Variants in AFG2A observed in about 807,000 individuals in gnomAD.
AFG2A encodes AAA ATPase AFG2A.
chr4:123,145,156 A>G, the AFG2A span, among the ~76,000 whole-genome samples: 2 of 152,000 alleles, frequency 1.3e-5, no homozygotes, highest in East Asian at 3.8e-4. Flanking sequence ...AAAATAATTA[A>G]TAATTATTTT....
the AFG2A span, among the ~76,000 whole-genome samples, chr4:122,945,477 C>A: frequency 1.3e-5 from 2 of 152,234 alleles, no homozygotes; most frequent in Non-Finnish European, 2.9e-5. Context: ...CCTGGTGCAC[C>A]GTTTCCTAAG....
the AFG2A span, among the ~76,000 whole-genome samples, chr4:123,254,321 A>T: frequency 2.0e-5 from 3 of 151,856 alleles, no homozygotes; most frequent in African/African-American, 7.3e-5. Context: ...GTCAATGTTC[A>T]TTTTTTTCAT....
chr4:123,195,106 A>G, the AFG2A span, among the ~76,000 whole-genome samples: 5 of 152,304 alleles, frequency 3.3e-5, no homozygotes, highest in Non-Finnish European at 7.4e-5. Flanking sequence ...AATACTTGAC[A>G]TATTTCTCTC....
chr4:123,034,586 GA>G, the AFG2A span, among the ~76,000 whole-genome samples: 5 of 96,714 alleles, frequency 5.2e-5, 1 homozygote, highest in African/African-American at 1.4e-4. Flanking sequence ...AAAAAAAAAG[GA>G]CATTAGGGAA....
At chr4:123,272,557 TA>T in the AFG2A span, among the ~76,000 whole-genome samples, 4 of 151,962 alleles carry the variant, frequency 2.6e-5, no homozygotes, top group African/African-American at 9.7e-5. Context: ...AGTAGACCTT[TA>T]GGAATTAGAG....
chr4:123,027,164 G>A, the AFG2A span, among the ~76,000 whole-genome samples: 3 of 151,734 alleles, frequency 2.0e-5, no homozygotes, highest in Non-Finnish European at 4.4e-5. Flanking sequence ...TCTCTCTGAT[G>A]AATCTTGTCA....
the AFG2A span, among the ~76,000 whole-genome samples, chr4:123,187,723 C>T: frequency 1.3e-5 from 2 of 151,988 alleles, no homozygotes; most frequent in Non-Finnish European, 2.9e-5. Context: ...AAAACAGGCA[C>T]TGTGGCTCAC....
At chr4:123,002,575 G>T in the AFG2A span, among the ~76,000 whole-genome samples, 35 of 152,174 alleles carry the variant, frequency 2.3e-4, no homozygotes, top group South Asian at 6.2e-3. Flanking sequence ...GCTTAGTTTG[G>T]CTGGATATGA....
the AFG2A span, among the ~76,000 whole-genome samples, chr4:122,943,169 A>T: frequency 0.041 from 6,243 of 152,200 alleles, 412 homozygotes; most frequent in African/African-American, 0.14. Flanking sequence ...TGCAGAGCTG[A>T]GTTCAATTCC....
At chr4:123,283,170 G>T in the AFG2A span, among the ~76,000 whole-genome samples, 54 of 152,120 alleles carry the variant, frequency 3.5e-4, no homozygotes, top group African/African-American at 1.3e-3. Context: ...TATAATTTCA[G>T]ACTAGCATTG....
chr4:123,199,470 T>G, the AFG2A span, among the ~76,000 whole-genome samples: 70 of 134,802 alleles, frequency 5.2e-4, 3 homozygotes, highest in East Asian at 4.7e-3. Context: ...AGGTTTTTTT[T>G]TTTTTTTTTT....
the AFG2A span, among the ~76,000 whole-genome samples, chr4:123,219,495 A>G: frequency 6.6e-6 from 1 of 152,154 alleles, no homozygotes; most frequent in Non-Finnish European, 1.5e-5. Flanking sequence ...CCTAATATTA[A>G]CTAACCGTCA....
the AFG2A span, among the ~76,000 whole-genome samples, chr4:122,935,213 C>G: frequency 1.3e-5 from 2 of 152,146 alleles, no homozygotes; most frequent in East Asian, 3.8e-4. Flanking sequence ...TGTCTGATCT[C>G]TCTGCTTTTT....
chr4:123,187,188 G>C, the AFG2A span, among the ~76,000 whole-genome samples: 6 of 152,136 alleles, frequency 3.9e-5, no homozygotes, highest in African/African-American at 1.2e-4. Context: ...ACTTTAGCTT[G>C]GTTTCTGCTG....
chr4:123,175,952 G>A, the AFG2A span, among the ~76,000 whole-genome samples: 5 of 152,174 alleles, frequency 3.3e-5, no homozygotes, highest in Admixed American at 3.3e-4. Context: ...CTTAGCAAGA[G>A]GATGTTAGGA....
At chr4:123,305,871 A>G in the AFG2A span, among the ~76,000 whole-genome samples, 1 of 152,024 alleles carries the variant, frequency 6.6e-6, no homozygotes, top group African/African-American at 2.4e-5. Flanking sequence ...ACAGTGAAGT[A>G]AGACATTGTT....
At chr4:123,151,889 A>G in the AFG2A span, among the ~76,000 whole-genome samples, 3 of 152,230 alleles carry the variant, frequency 2.0e-5, no homozygotes, top group African/African-American at 7.2e-5. Flanking sequence ...ATGCCCATCA[A>G]TGATAGACTG....
At chr4:123,000,220 T>C in the AFG2A span, among the ~76,000 whole-genome samples, 3 of 150,366 alleles carry the variant, frequency 2.0e-5, no homozygotes, top group Non-Finnish European at 4.4e-5. Flanking sequence ...ACAGTGGGGT[T>C]TTCTAGATAT....
the AFG2A span, among the ~76,000 whole-genome samples, chr4:123,092,270 C>CTGA: frequency 1.7e-4 from 26 of 152,268 alleles, no homozygotes; most frequent in Middle Eastern, 0.014. Context: ...ATAAAGGGTG[C>CTGA]TGAATCCAGA....
Sources: gnomAD v4.1 joint callset for allele counts (sites outside exome capture counted in the v4.1 genomes callset) on GRCh38, gnomAD v4.1.1 for gene constraint, MANE v1.5 for transcripts, NCBI Gene and HGNC (gene_info 2026-07-23, HGNC 2026-07-21) for gene names.